APP: variants seen among roughly 807,000 people sequenced by gnomAD.
APP encodes the protein amyloid-beta precursor protein.
Under a neutral mutation model 101.4 loss-of-function variants are expected in APP, and 31 were observed. The observed-to-expected ratio is 0.31, with a 90% CI of 0.23 to 0.41. The LOEUF is 0.41. APP is among the 10% of genes least tolerant of loss of function. The probability of loss-of-function intolerance (pLI) is 1.00; values close to 1 mark genes in which losing one functional copy is unlikely to be tolerated. For missense variants in APP, 839 were observed against 1,003.7 expected (o/e 0.84, Z 2.22); for synonymous variants, 366 against 364.4 (o/e 1.00, Z -0.05).
chr21:26,078,975 G>A (rs142820329), intron 3 of APP, among the ~76,000 whole-genome samples: 397 of 151,758 alleles, frequency 2.6e-3, no homozygotes, highest in Non-Finnish European at 4.3e-3. Flanking sequence ...CCCAGGAGGC[G>A]GAGGTTGGGG....
intron 1 of APP, among the ~76,000 whole-genome samples, chr21:26,130,860 C>T (rs1432092610): frequency 6.6e-6 from 1 of 152,126 alleles, no homozygotes; most frequent in Non-Finnish European, 1.5e-5. Flanking sequence ...AATTCTGCTT[C>T]AAAAGCCAAA....
chr21:26,064,805 G>A (rs1198892886), intron 3 of APP, among the ~76,000 whole-genome samples: 1 of 152,162 alleles, frequency 6.6e-6, no homozygotes, highest in Non-Finnish European at 1.5e-5. Flanking sequence ...ATGGCTCTCT[G>A]GGTTAGCCAC....
intron 1 of APP, among the ~76,000 whole-genome samples, chr21:26,164,974 A>C (rs1440029552): frequency 6.6e-6 from 1 of 152,132 alleles, no homozygotes; most frequent in Non-Finnish European, 1.5e-5. Flanking sequence ...GTACTGTTTT[A>C]AATTTTTCAA....
At chr21:25,924,411 C>CAAAAAAAAAAAAAA (rs551284093) in intron 13 of APP, among the ~76,000 whole-genome samples, 101 of 56,810 alleles carry the variant, frequency 1.8e-3, no homozygotes, top group African/African-American at 4.3e-3. Context: ...TTTGCAAATA[C>CAAAAAAAAAAAAAA]AAAAAAAAAA....
intron 6 of APP, among the ~76,000 whole-genome samples, chr21:26,012,492 A>G (rs992822325): frequency 6.6e-6 from 1 of 152,188 alleles, no homozygotes; most frequent in African/African-American, 2.4e-5. Flanking sequence ...GTGGTTGGAA[A>G]CCAAAGATGA....
intron 2 of APP, among the ~76,000 whole-genome samples, chr21:26,110,562 A>G (rs1487517324): frequency 6.6e-6 from 1 of 152,236 alleles, no homozygotes; most frequent in Non-Finnish European, 1.5e-5. Context: ...ATTACTTAAT[A>G]TGTAATATAT....
chr21:25,985,415 T>C (rs962043685), intron 8 of APP, among the ~76,000 whole-genome samples: 1 of 152,194 alleles, frequency 6.6e-6, no homozygotes, highest in Non-Finnish European at 1.5e-5. Context: ...TCACCCGATC[T>C]GCTGAGGGTC....
intron 3 of APP, among the ~76,000 whole-genome samples, chr21:26,059,538 C>T (rs1256464367): frequency 2.6e-5 from 4 of 152,134 alleles, no homozygotes; most frequent in East Asian, 1.9e-4. Flanking sequence ...ACTTCACGTG[C>T]GTCTTCTCTC....
At chr21:25,924,497 G>A (rs1243133789) in intron 13 of APP, among the ~76,000 whole-genome samples, 1 of 135,776 alleles carries the variant, frequency 7.4e-6, no homozygotes, top group Admixed American at 7.8e-5. Context: ...ATCATCCTCA[G>A]CAAACTAACA....
At chr21:25,887,743 A>G (rs1476720896) in intron 17 of APP, among the ~76,000 whole-genome samples, 1 of 152,164 alleles carries the variant, frequency 6.6e-6, no homozygotes, top group African/African-American at 2.4e-5. Flanking sequence ...TATAGTATTC[A>G]GTGCAGCAAT....
chr21:25,946,518 T>C (rs1228505467), intron 13 of APP, among the ~76,000 whole-genome samples: 1 of 151,950 alleles, frequency 6.6e-6, no homozygotes, highest in Non-Finnish European at 1.5e-5. Flanking sequence ...ATACAAAAAT[T>C]AGCTGGATGT....
chr21:26,103,562 C>G (rs1267274334), intron 2 of APP, among the ~76,000 whole-genome samples: 1 of 152,074 alleles, frequency 6.6e-6, no homozygotes, highest in African/African-American at 2.4e-5. Flanking sequence ...CATCATGCCA[C>G]TGCACTCCAG....
chr21:26,024,111 T>C (rs564842717), intron 5 of APP, among the ~76,000 whole-genome samples: 4 of 152,274 alleles, frequency 2.6e-5, no homozygotes, highest in South Asian at 4.1e-4. Context: ...GAATATCTAA[T>C]AGTAAAAGCC....
chr21:26,039,140 G>C (rs1255596260), intron 5 of APP, among the ~76,000 whole-genome samples: 1 of 152,144 alleles, frequency 6.6e-6, no homozygotes, highest in African/African-American at 2.4e-5. Context: ...ATCACTGTAA[G>C]TGCAATACTG....
At chr21:26,148,769 C>T (rs2063204649) in intron 1 of APP, among the ~76,000 whole-genome samples, 1 of 152,210 alleles carries the variant, frequency 6.6e-6, no homozygotes, top group Non-Finnish European at 1.5e-5. Context: ...CTCATTCATC[C>T]AGGGCCTACT....
At chr21:26,012,142 G>A (rs2043835865) in intron 6 of APP, among the ~76,000 whole-genome samples, 1 of 151,718 alleles carries the variant, frequency 6.6e-6, no homozygotes, top group South Asian at 2.1e-4. Context: ...TGAGTAGCTG[G>A]GACTATAAGC....
intron 3 of APP, among the ~76,000 whole-genome samples, chr21:26,055,166 G>T (rs558002195): frequency 6.6e-6 from 1 of 152,142 alleles, no homozygotes; most frequent in African/African-American, 2.4e-5. Context: ...GGCTGCAGGT[G>T]TCACTTTGCA....
At chr21:26,125,150 C>T (rs2062655077) in intron 1 of APP, among the ~76,000 whole-genome samples, 1 of 152,176 alleles carries the variant, frequency 6.6e-6, no homozygotes, top group African/African-American at 2.4e-5. Flanking sequence ...ACAAGGCTAG[C>T]GTCCAAATGA....
intron 3 of APP, among the ~76,000 whole-genome samples, chr21:26,075,157 C>T (rs1387701929): frequency 1.3e-5 from 2 of 152,186 alleles, no homozygotes; most frequent in African/African-American, 4.8e-5. Context: ...TATTTGGCTA[C>T]ATCCTCAATT....
Sources: allele counts gnomAD v4.1 joint callset (sites outside exome capture counted in the v4.1 genomes callset), GRCh38; gene constraint gnomAD v4.1.1; transcripts MANE v1.5; gene names NCBI Gene and HGNC (gene_info 2026-07-23, HGNC 2026-07-21).